Variants in CCDC102B observed in about 807,000 individuals in gnomAD.
The protein encoded by CCDC102B is coiled-coil domain containing 102B.
Under a neutral mutation model 57.4 loss-of-function variants are expected in CCDC102B, and 75 were observed. The observed-to-expected ratio is 1.31, with a 90% CI of 1.08 to 1.58. The LOEUF (loss-of-function observed/expected upper bound fraction) is 1.58, where lower values mean the gene tolerates loss of function less well. Ranked by LOEUF, CCDC102B falls within the 40% of genes most tolerant of loss-of-function variation. CCDC102B has a pLI of 0.00. For synonymous variants in CCDC102B, 206 were observed against 201.9 expected, an observed-to-expected ratio of 1.02 and a Z score of -0.17; for missense variants, 636 against 582.6, an observed-to-expected ratio of 1.09 and a Z score of -0.94.
intron 7 of CCDC102B, among the ~76,000 whole-genome samples, chr18:69,021,914 C>T (rs748053799): frequency 6.6e-6 from 1 of 152,208 alleles, no homozygotes; most frequent in African/African-American, 2.4e-5. Context: ...TACGTTATTG[C>T]TTCTTGCCAT....
intron 4 of CCDC102B, among the ~76,000 whole-genome samples, chr18:68,859,323 C>T (rs1245836833): frequency 2.4e-5 from 2 of 83,724 alleles, no homozygotes; most frequent in East Asian, 2.9e-4. Flanking sequence ...AAGATTTAAA[C>T]GTTAGACCTA....
chr18:68,990,928 C>G (rs1224770184), intron 6 of CCDC102B, among the ~76,000 whole-genome samples: 1 of 152,046 alleles, frequency 6.6e-6, no homozygotes, highest in Non-Finnish European at 1.5e-5. Flanking sequence ...ATCTTTCTTG[C>G]CATTCCTCTA....
chr18:68,869,510 A>C (rs1378701101), intron 4 of CCDC102B, among the ~76,000 whole-genome samples: 1 of 152,246 alleles, frequency 6.6e-6, no homozygotes, highest in African/African-American at 2.4e-5. Flanking sequence ...AGCTCTTTCA[A>C]GGCACTTGAT....
At chr18:69,049,005 GTA>G (rs1307965104) in intron 7 of CCDC102B, among the ~76,000 whole-genome samples, 3 of 150,850 alleles carry the variant, frequency 2.0e-5, no homozygotes, top group African/African-American at 7.3e-5. Context: ...TGAAATTCCT[GTA>G]TGTTACCATC....
At chr18:68,970,940 G>A (rs1278325976) in intron 6 of CCDC102B, among the ~76,000 whole-genome samples, 2 of 151,744 alleles carry the variant, frequency 1.3e-5, no homozygotes, top group Non-Finnish European at 2.9e-5. Context: ...ATTTTATTGT[G>A]CAGTATATAT....
intron 6 of CCDC102B, among the ~76,000 whole-genome samples, chr18:68,929,573 A>T (rs1434380165): frequency 6.6e-6 from 1 of 151,884 alleles, no homozygotes; most frequent in Admixed American, 6.6e-5. Flanking sequence ...CTAAATTGGA[A>T]TTTCAGTTTT....
chr18:68,806,297 C>A (rs2036031833), intron 1 of CCDC102B, among the ~76,000 whole-genome samples: 1 of 151,806 alleles, frequency 6.6e-6, no homozygotes, highest in Non-Finnish European at 1.5e-5. Flanking sequence ...GCAAACATAT[C>A]CAATTTTTAA....
chr18:68,965,019 T>C (rs990298289), intron 6 of CCDC102B, among the ~76,000 whole-genome samples: 2 of 152,046 alleles, frequency 1.3e-5, no homozygotes, highest in African/African-American at 4.8e-5. Context: ...TTTTTGTCTT[T>C]GTCCTTATTT....
chr18:68,765,312 GGAAGGAAGGAAGGAAAGAAA>G (rs200860307), intron 2 of CCDC102B, among the ~76,000 whole-genome samples: 5,536 of 99,750 alleles, frequency 0.055, 131 homozygotes, highest in East Asian at 0.13. Flanking sequence ...AAGGAAGGAA[GGAAGGAAGGAAGGAAAGAAA>G]GAAAGAAAGA....
At chr18:68,911,420 A>C (rs942495872) in intron 6 of CCDC102B, among the ~76,000 whole-genome samples, 2 of 152,106 alleles carry the variant, frequency 1.3e-5, no homozygotes, top group Non-Finnish European at 2.9e-5. Context: ...AACAACAGAC[A>C]CGGGGGTCTA....
At chr18:68,990,605 T>C (rs1001547785) in intron 6 of CCDC102B, among the ~76,000 whole-genome samples, 2 of 152,210 alleles carry the variant, frequency 1.3e-5, no homozygotes, top group African/African-American at 4.8e-5. Context: ...CAATTGTGCA[T>C]TGTGACTTTT....
intron 7 of CCDC102B, among the ~76,000 whole-genome samples, chr18:69,030,043 A>G (rs1260079523): frequency 6.6e-6 from 1 of 151,674 alleles, no homozygotes; most frequent in African/African-American, 2.4e-5. Flanking sequence ...TTTATTATTT[A>G]GTGGAAAAAA....
chr18:68,925,549 C>T (rs191746998), intron 6 of CCDC102B, among the ~76,000 whole-genome samples: 147 of 152,098 alleles, frequency 9.7e-4, no homozygotes, highest in Admixed American at 1.7e-3. Flanking sequence ...CTATTTATGA[C>T]ATTTTGGCCA....
chr18:68,814,822 G>GA (rs558884266), intron 1 of CCDC102B, among the ~76,000 whole-genome samples: 9 of 151,628 alleles, frequency 5.9e-5, no homozygotes, highest in Admixed American at 2.0e-4. Flanking sequence ...AAGCTGAAAA[G>GA]AAAAAAAATC....
At chr18:68,828,263 G>A (rs1425561133) in intron 1 of CCDC102B, among the ~76,000 whole-genome samples, 2 of 126,926 alleles carry the variant, frequency 1.6e-5, no homozygotes, top group Non-Finnish European at 3.1e-5. Context: ...CCATACAATT[G>A]CAGAATATAC....
chr18:68,836,660 C>CA lies in CCDC102B; in HGVS notation c.-15-70dup, dbSNP rs56673640. 8.3e-4 allele frequency: 582 copies of CA among 700,360 alleles called. No individual in the cohort carries two copies. In the African/African-American group the frequency reaches 9.2e-3, roughly 11 times the overall value. The allele number at this position is 700,360 out of a possible 1,614,324, so 43.4% of individuals were successfully genotyped here. A position where few individuals can be genotyped will look rare whatever the true frequency, so the allele number is the denominator to read the frequency against. On this transcript the variant is annotated intron_variant, in intron 1 of 7. Coordinates refer to ENST00000360242, the MANE Select transcript of CCDC102B (RefSeq NM_024781.3). ...AAAAAGCATTGTTTTCATCAATTTT[C>CA]AAAAAAAAAAAAAAAAAAAGTGTAG...
chr18:68,884,947 C>T (rs918249184), intron 5 of CCDC102B, among the ~76,000 whole-genome samples: 6 of 151,746 alleles, frequency 4.0e-5, no homozygotes, highest in Non-Finnish European at 7.4e-5. Context: ...CTACAGTAGC[C>T]TTGCCACTGT....
intron 2 of CCDC102B, among the ~76,000 whole-genome samples, chr18:68,727,946 T>C (rs309232): frequency 1.3e-5 from 2 of 152,276 alleles, no homozygotes; most frequent in South Asian, 4.1e-4. Context: ...ACAATAAAGA[T>C]ACCCCTGTCT....
intron 5 of CCDC102B, among the ~76,000 whole-genome samples, chr18:68,888,007 C>T (rs1016533810): frequency 3.9e-5 from 6 of 152,156 alleles, no homozygotes; most frequent in Non-Finnish European, 8.8e-5. Context: ...TAGTTTATGG[C>T]ACATGATCAC....
Sources: gnomAD v4.1 joint callset for allele counts (sites outside exome capture counted in the v4.1 genomes callset) on GRCh38, gnomAD v4.1.1 for gene constraint, MANE v1.5 for transcripts, NCBI Gene and HGNC (gene_info 2026-07-23, HGNC 2026-07-21) for gene names.